Variants in DGKZ observed in about 807,000 individuals in gnomAD.
DGKZ encodes diacylglycerol kinase zeta, also known as DAG kinase zeta.
DGKZ carries 45 observed loss-of-function variants against 142.5 expected under a neutral mutation model. That is an observed-to-expected ratio of 0.32 (90% CI 0.25 to 0.40). The LOEUF (loss-of-function observed/expected upper bound fraction) is 0.40. Among genes scored for constraint, DGKZ ranks in the 10% least tolerant of loss-of-function variants. The pLI is 1.00. For missense variants in DGKZ, 755 were observed against 1,306.5 expected (o/e 0.58, Z 6.51); for synonymous variants, 442 against 527.0 (o/e 0.84, Z 2.21).
intron 1 of DGKZ, among the ~76,000 whole-genome samples, chr11:46,335,970 C>T (rs757022772): frequency 6.6e-5 from 10 of 152,226 alleles, no homozygotes; most frequent in Non-Finnish European, 1.3e-4. Flanking sequence ...GCCACAGTTC[C>T]GTGCAGCTCT....
intron 1 of DGKZ, among the ~76,000 whole-genome samples, chr11:46,334,288 C>T (rs1939904124): frequency 6.6e-6 from 1 of 152,222 alleles, no homozygotes; most frequent in African/African-American, 2.4e-5. Context: ...AAACCACAGC[C>T]TCAACTTGGA....
chr11:46,378,883 A>G (rs912456931), intron 27 of DGKZ, 108 bp from the exon 28 acceptor site: 35 of 1,452,246 alleles, frequency 2.4e-5, no homozygotes, highest in South Asian at 7.0e-5. Flanking sequence ...GTGTGAGCGC[A>G]CTCGTTTCAG....
rs374428518 is a variant in DGKZ at position 46,367,758 on chromosome 11, G to T, written c.366+11G>T. ...GTAGCCAGGATGCTGGTGAGTGCTC[G>T]TAGGGGCACGCCGCCCCCTGCTGGT... On this transcript the variant is annotated intron_variant, in intron 3 of 30. Transcript: ENST00000527911. This position sits in a 1 kb window ranked among gnomAD's most constrained non-coding sequence, Gnocchi z 4.1. The T allele has an allele frequency of 3.1e-6, 5 of 1,612,960 alleles. No individual in the cohort carries two copies. In the South Asian group the frequency reaches 4.4e-5, roughly 14 times the overall value.
chr11:46,359,914 G>A (rs529983325), intron 1 of DGKZ, among the ~76,000 whole-genome samples: 10 of 152,150 alleles, frequency 6.6e-5, no homozygotes, highest in East Asian at 1.9e-4. Flanking sequence ...CACTGTGCCC[G>A]GCCTGATACG....
At chr11:46,379,680 T>C (rs1944998971) in intron 30 of DGKZ, 112 bp downstream of exon 30, 4 of 1,288,626 alleles carry the variant, frequency 3.1e-6, no homozygotes, top group Non-Finnish European at 4.2e-6. Context: ...GTCCAGACCC[T>C]GGGAAACCTG....
intron 1 of DGKZ, among the ~76,000 whole-genome samples, chr11:46,357,182 G>A (rs2136427142): frequency 6.6e-6 from 1 of 152,266 alleles, no homozygotes; most frequent in African/African-American, 2.4e-5. Flanking sequence ...AGAAGAGACT[G>A]GGGGTATTTC....
chr11:46,344,035 C>T (rs1054328230), upstream of DGKZ, among the ~76,000 whole-genome samples: 7 of 151,876 alleles, frequency 4.6e-5, no homozygotes, highest in East Asian at 3.9e-4. Context: ...CTGCAAACTC[C>T]GCCTCCCGAA....
chr11:46,365,022 G>T, intron 1 of DGKZ: 1 of 985,472 alleles, frequency 1.0e-6, no homozygotes, highest in Non-Finnish European at 1.2e-6. Flanking sequence ...TGCCAGGCAG[G>T]CTGCCCTTCC....
At chr11:46,343,080 C>A (rs1025187966), upstream of DGKZ, among the ~76,000 whole-genome samples, 3 of 151,556 alleles carry the variant, frequency 2.0e-5, no homozygotes, top group Non-Finnish European at 2.9e-5. Flanking sequence ...GCAGAGATCA[C>A]GCCACTACAC....
chr11:46,352,582 T>C (rs967835618), intron 1 of DGKZ, among the ~76,000 whole-genome samples: 99 of 152,200 alleles, frequency 6.5e-4, no homozygotes, highest in African/African-American at 2.2e-3. Flanking sequence ...CGCGCTGGGC[T>C]TCCAGGGCCA....
Position 46,376,194 on chromosome 11 carries a change from G to T in DGKZ, c.2091+49G>T, listed in dbSNP as rs535145678. The T allele has an allele frequency of 3.1e-6, 5 of 1,608,790 alleles. No homozygotes were observed. The African/African-American group carries it at 6.7e-5, about 21-fold the overall frequency. On this transcript the variant is annotated intron_variant, in intron 22 of 30. Coordinates refer to ENST00000527911, the Ensembl canonical transcript of DGKZ. ...GTGCCCACCGAGAGGGTGGTGGGAA[G>T]TGAGGCCAGGCCTCTTCCTCCCGCA... is the stretch of plus-strand genomic sequence containing the variant.
In DGKZ at chr11:46,367,307, T is replaced by G; in HGVS notation, c.178T>G (p.Ser60Ala). Residue 60 changes from serine (S) to alanine (A), a missense_variant, in exon 2 of 31, where the codon TCG becomes GCG. By Grantham distance (99) the Ser-to-Ala change is moderately conservative. Coordinates refer to ENST00000527911, the Ensembl canonical transcript of DGKZ. This position sits in a 1 kb window ranked among gnomAD's most constrained non-coding sequence, Gnocchi z 4.1. ...CCTCTCTAGGAAAGCCATCACCAAG[T>G]CGGGCCTCCAGCACCTGGCCCCCCC... 6.2e-7 allele frequency: 1 copy of G among 1,612,094 alleles called. No homozygotes were observed. Among genetic ancestry groups the G allele is most frequent in the Non-Finnish European group, 8.5e-7 (1 of 1,179,876 alleles).
At chr11:46,365,050 T>A (rs1213406640) in intron 1 of DGKZ, 2 of 984,948 alleles carry the variant, frequency 2.0e-6, no homozygotes, top group Non-Finnish European at 1.2e-6. Flanking sequence ...TTAGGAGAGG[T>A]AGGGCACAGG....
In DGKZ at chr11:46,375,412, C is replaced by T. The variant is rs2136502458; in HGVS notation, c.1711-20C>T. The T allele has an allele frequency of 6.4e-7, 1 of 1,556,832 alleles. No individual in the cohort carries two copies. The highest frequency in any genetic ancestry group is 8.6e-7 in the Non-Finnish European group (1 of 1,156,258). ...CCCCCAGCCCTGGTGCCATCTGACC[C>T]AAGCTTCCTGTGCCCACAGGCCGCG... On this transcript the variant is annotated intron_variant, in intron 19 of 30. Transcript: ENST00000527911.
exon 31 of DGKZ, chr11:46,379,953 C>G (rs200913938): frequency 6.3e-7 from 1 of 1,598,764 alleles, no homozygotes; most frequent in Non-Finnish European, 8.5e-7. Context: ...TGTAGCGGGC[C>G]GCCCACGGGC....
chr11:46,350,188 G>T (rs1462494626), intron 1 of DGKZ, among the ~76,000 whole-genome samples: 10 of 152,178 alleles, frequency 6.6e-5, no homozygotes, highest in African/African-American at 2.4e-5. Flanking sequence ...GAGCAGCAAG[G>T]GAAAGCACTT....
intron 1 of DGKZ, among the ~76,000 whole-genome samples, chr11:46,340,872 GGCATGGTGGCTCAC>G (rs1351830514): frequency 6.6e-6 from 1 of 152,246 alleles, no homozygotes; most frequent in Non-Finnish European, 1.5e-5. Context: ...TTGTAGGACA[GGCATGGTGGCTCAC>G]GCCTGTAATC....
At chr11:46,362,397 G>A (rs1210999096) in intron 1 of DGKZ, among the ~76,000 whole-genome samples, 1 of 152,188 alleles carries the variant, frequency 6.6e-6, no homozygotes, top group Non-Finnish European at 1.5e-5. Flanking sequence ...CATGCGGTGG[G>A]TGGTGGCCAC....
intron 1 of DGKZ, among the ~76,000 whole-genome samples, chr11:46,336,835 G>A (rs1477762320): frequency 6.6e-6 from 1 of 152,124 alleles, no homozygotes; most frequent in South Asian, 2.1e-4. Context: ...TCACAAGCAT[G>A]ACCCACTGCT....
Sources: allele counts gnomAD v4.1 joint callset (sites outside exome capture counted in the v4.1 genomes callset), GRCh38; gene constraint gnomAD v4.1.1; non-coding constraint Gnocchi (gnomAD v3.1); transcripts MANE v1.5; gene names NCBI Gene and HGNC (gene_info 2026-07-23, HGNC 2026-07-21).